PAQR5: variants seen among roughly 807,000 people sequenced by gnomAD.
PAQR5 encodes the protein membrane progestin receptor gamma.
A neutral mutation model predicts 34.5 loss-of-function variants in PAQR5; 20 were observed. The observed-to-expected ratio is 0.58, with a 90% confidence interval of 0.41 to 0.84. The LOEUF (loss-of-function observed/expected upper bound fraction) is 0.84. PAQR5 is among the 40% of genes least tolerant of loss of function. The pLI is 0.00. For synonymous variants in PAQR5, 131 were observed against 155.6 expected (o/e 0.84, Z 1.18); for missense variants, 378 against 412.7 (o/e 0.92, Z 0.73).
chr15:69,312,155 C>T (rs1308778441), intron 1 of PAQR5, among the ~76,000 whole-genome samples: 2 of 152,008 alleles, frequency 1.3e-5, no homozygotes, highest in East Asian at 3.9e-4. Flanking sequence ...GCAATCAGAA[C>T]TGAAAGAGGC....
rs111339096 is a variant in PAQR5, at chr15:69,326,585, C to G, written c.-276-10756C>G. ...CTGATTAGCTGAGATTACAGGTGCC[C>G]GCCACCACATCTGTCTAATTTTTGT... On this transcript the variant is annotated intron_variant, in intron 1 of 8. Transcript: ENST00000395407. Among the ~76,000 whole-genome samples, 4 of 152,200 alleles carry G rather than the reference C, an allele frequency of 2.6e-5. No individual in the cohort carries two copies. The South Asian group carries it at 8.3e-4, about 32-fold the overall frequency.
In PAQR5 at chr15:69,361,901, G is replaced by A. The variant is rs138207181; in HGVS notation, c.51+1770G>A. On this transcript the variant is annotated intron_variant, in intron 3 of 8. Coordinates refer to ENST00000395407, the MANE Select transcript of PAQR5 (RefSeq NM_017705.4). ...TGGAAGTGGGGAGAGCATTCCAGGT[G>A]GAAGGAGCAGTGTGAGCAAAGGCCT... 1.8e-3 allele frequency among the ~76,000 whole-genome samples: 281 copies of A among 152,114 alleles called. 1 individual carries two copies. Among genetic ancestry groups the A allele is most frequent in the Middle Eastern group, 3.4e-3 (1 of 294 alleles).
chr15:69,305,469 T>G (rs906949033), intron 1 of PAQR5, among the ~76,000 whole-genome samples: 7 of 152,058 alleles, frequency 4.6e-5, no homozygotes, highest in Admixed American at 4.6e-4. Context: ...CCAAGGCCAG[T>G]TCTCTTCGCC....
intron 3 of PAQR5, among the ~76,000 whole-genome samples, chr15:69,373,451 A>C (rs566109525): frequency 6.6e-4 from 101 of 152,304 alleles, no homozygotes; most frequent in Non-Finnish European, 1.1e-3. Flanking sequence ...TCTACTTCTT[A>C]AATCAAAGAC....
chr15:69,360,235 C>T, intron 3 of PAQR5, 104 bp downstream of exon 3: 2 of 774,944 alleles, frequency 2.6e-6, no homozygotes, highest in Non-Finnish European at 2.2e-6. Context: ...CTGTACAGGC[C>T]CATTCCCTTC....
At chr15:69,304,581 C>T (rs1425440992) in intron 1 of PAQR5, among the ~76,000 whole-genome samples, 2 of 152,208 alleles carry the variant, frequency 1.3e-5, no homozygotes, top group Admixed American at 6.5e-5. Context: ...AATTCTCACC[C>T]ATGCCCTGTC....
intron 3 of PAQR5, among the ~76,000 whole-genome samples, chr15:69,373,603 T>G (rs1317352217): frequency 6.6e-6 from 1 of 152,154 alleles, no homozygotes; most frequent in Non-Finnish European, 1.5e-5. Context: ...ACCTGAGTTC[T>G]GTTTACTTTT....
intron 1 of PAQR5, among the ~76,000 whole-genome samples, chr15:69,308,560 T>G (rs1382450892): frequency 6.6e-6 from 1 of 152,114 alleles, no homozygotes; most frequent in Non-Finnish European, 1.5e-5. Flanking sequence ...ACCCCCTCCC[T>G]GCTTGTGACA....
At chr15:69,364,118 A>G (rs1401987820) in intron 3 of PAQR5, among the ~76,000 whole-genome samples, 1 of 152,150 alleles carries the variant, frequency 6.6e-6, no homozygotes, top group Non-Finnish European at 1.5e-5. Context: ...AAGATCCAAT[A>G]AAAATGAAAT....
intron 1 of PAQR5, chr15:69,314,809 A>G (rs2053909407): frequency 6.6e-6 from 1 of 152,486 alleles, no homozygotes; most frequent in African/African-American, 2.4e-5. Context: ...GTCTTGTTCT[A>G]TGATATATGG....
intron 1 of PAQR5, among the ~76,000 whole-genome samples, chr15:69,334,946 G>C (rs1022924565): frequency 6.6e-6 from 1 of 152,126 alleles, no homozygotes; most frequent in Non-Finnish European, 1.5e-5. Context: ...AAATTGGCTG[G>C]GCGCGGTGGC....
intron 1 of PAQR5, among the ~76,000 whole-genome samples, chr15:69,319,184 T>TAC (rs1566995834): frequency 0.01 from 27 of 2,634 alleles, no homozygotes; most frequent in South Asian, 0.042. Context: ...TATATATATA[T>TAC]ATATATATAT....
At chr15:69,395,545 A>G (rs1326310663) in intron 6 of PAQR5, among the ~76,000 whole-genome samples, 1 of 152,158 alleles carries the variant, frequency 6.6e-6, no homozygotes, top group African/African-American at 2.4e-5. Flanking sequence ...CACAGTTCTA[A>G]ACACCTCGGG....
intron 5 of PAQR5, among the ~76,000 whole-genome samples, chr15:69,386,620 A>G (rs1457861604): frequency 5.3e-5 from 4 of 74,836 alleles, no homozygotes; most frequent in Admixed American, 1.4e-4. Context: ...CTTACCCTCC[A>G]TGTCCCCCCT....
chr15:69,333,285 C>A (rs1453519571), intron 1 of PAQR5, among the ~76,000 whole-genome samples: 1 of 152,150 alleles, frequency 6.6e-6, no homozygotes, highest in Non-Finnish European at 1.5e-5. Flanking sequence ...GAATTAAAAG[C>A]GGATAGATCC....
intron 1 of PAQR5, among the ~76,000 whole-genome samples, chr15:69,303,055 C>G (rs28582603): frequency 0.098 from 14,952 of 152,166 alleles, 789 homozygotes; most frequent in East Asian, 0.14. Flanking sequence ...GAGGGCAAAG[C>G]CTTTTGTCTC....
Position 69,384,764 on chromosome 15 carries a change from C to T in PAQR5, c.267C>T (p.Cys89=), listed in dbSNP as rs2056060547. The T allele has an allele frequency of 1.9e-6, 3 of 1,613,456 alleles. No individual in the cohort carries two copies. Among genetic ancestry groups the T allele is most frequent in the African/African-American group, 2.7e-5 (2 of 74,898 alleles). ...CCTGGCCCATGCTTGTGTACATGTG[C>T]ACCAGCTGCGTGTACCCACTTGTGT... ...SYSWPMLVYM[C]TSCVYPLVSS... is the part of the protein sequence containing the mutation. Residue 89 remains cysteine (C), a synonymous_variant, in exon 5 of 9, where the codon TGC becomes TGT. Transcript: ENST00000395407.
At chr15:69,310,101 G>A in intron 1 of PAQR5, among the ~76,000 whole-genome samples, 1 of 151,988 alleles carries the variant, frequency 6.6e-6, no homozygotes, top group Non-Finnish European at 1.5e-5. Flanking sequence ...AAAGAAAGCT[G>A]CTTCTTTCTT....
chr15:69,362,753 C>T (rs2055271009), intron 3 of PAQR5, among the ~76,000 whole-genome samples: 1 of 152,134 alleles, frequency 6.6e-6, no homozygotes, highest in South Asian at 2.1e-4. Flanking sequence ...CTCCTAGGCT[C>T]TTTAGGGCAC....
Sources: allele counts gnomAD v4.1 joint callset (sites outside exome capture counted in the v4.1 genomes callset), GRCh38; gene constraint gnomAD v4.1.1; transcripts MANE v1.5; gene names NCBI Gene and HGNC (gene_info 2026-07-23, HGNC 2026-07-21).